Variants in KAZN observed in about 807,000 individuals in gnomAD.
KAZN encodes the protein kazrin, periplakin interacting protein.
KAZN carries 40 observed loss-of-function variants against 87.4 expected under a neutral mutation model. The observed-to-expected ratio is 0.46, with a 90% confidence interval of 0.36 to 0.60. KAZN has a LOEUF of 0.60. Among genes scored for constraint, KAZN ranks in the 20% least tolerant of loss-of-function variants. The probability of loss-of-function intolerance (pLI) is 0.00; values close to 1 mark genes in which losing one functional copy is unlikely to be tolerated. For synonymous variants in KAZN, 466 were observed against 458.3 expected (o/e 1.02, Z -0.22); for missense variants, 898 against 1,073.9 (o/e 0.84, Z 2.29).
intron 2 of KAZN, among the ~76,000 whole-genome samples, chr1:14,387,267 C>T (rs573314002): frequency 5.3e-5 from 8 of 152,154 alleles, no homozygotes; most frequent in East Asian, 1.9e-4. Flanking sequence ...AATGTCCTCC[C>T]GTAGGTCAGA....
chr1:14,854,359 G>C (rs1052534054), intron 1 of KAZN, among the ~76,000 whole-genome samples: 1 of 152,256 alleles, frequency 6.6e-6, no homozygotes. Context: ...TCTTGTTTTA[G>C]TTCATTTTGT....
At chr1:14,617,967 G>C (rs765393429) in intron 1 of KAZN, among the ~76,000 whole-genome samples, 1 of 152,156 alleles carries the variant, frequency 6.6e-6, no homozygotes, top group African/African-American at 2.4e-5. Context: ...TCTTATCTCC[G>C]ACAGCTCATG....
chr1:14,674,196 T>C (rs1640081936), intron 1 of KAZN, among the ~76,000 whole-genome samples: 1 of 152,252 alleles, frequency 6.6e-6, no homozygotes. Context: ...TTCTGGCTTC[T>C]CCAGCAGATC....
At chr1:14,095,463 T>C (rs1322207635) in intron 1 of KAZN, among the ~76,000 whole-genome samples, 1 of 152,216 alleles carries the variant, frequency 6.6e-6, no homozygotes, top group African/African-American at 2.4e-5. Context: ...ACCCATTTTA[T>C]TGTGCTCACA....
chr1:14,449,868 T>C (rs1308757030), intron 2 of KAZN, among the ~76,000 whole-genome samples: 2 of 152,132 alleles, frequency 1.3e-5, no homozygotes, highest in Non-Finnish European at 2.9e-5. Flanking sequence ...GAGAAATTTG[T>C]GAGTTTAATG....
At chr1:14,667,133 A>T (rs953856705) in intron 1 of KAZN, among the ~76,000 whole-genome samples, 5 of 152,212 alleles carry the variant, frequency 3.3e-5, no homozygotes, top group African/African-American at 7.2e-5. Flanking sequence ...CTGAGATTCC[A>T]GATGGATGTG....
At position 14,340,085 on chromosome 1, in the gene KAZN, T is replaced by C. The variant is rs182038858; in HGVS notation, c.249+159493T>C. On this transcript the variant is annotated intron_variant, in intron 2 of 16. Coordinates refer to the KAZN transcript ENST00000636203. ...GTTTCATATTCTTTGTTATGGAATA[T>C]GTAGCTTATAAAATCGGGGAACAGA... Among the ~76,000 whole-genome samples the C allele has an allele frequency of 2.2e-5, 3 of 134,224 alleles. No individual in the cohort carries two copies. The East Asian group carries it at 6.5e-4, about 29-fold the overall frequency. 88.1% of individuals were successfully genotyped at this position (134,224 alleles called of 152,430 possible). A position where few individuals can be genotyped will look rare whatever the true frequency, so the allele number is the denominator to read the frequency against.
intron 1 of KAZN, among the ~76,000 whole-genome samples, chr1:14,144,278 C>T (rs998965006): frequency 1.6e-4 from 25 of 152,276 alleles, no homozygotes; most frequent in East Asian, 9.7e-4. Context: ...TCCCTTGTTT[C>T]CAGGATAGCA....
Position 14,564,778 on chromosome 1 carries a change from A to G in KAZN, c.250-34205A>G, listed in dbSNP as rs553332364. Among the ~76,000 whole-genome samples, 4 of 152,300 alleles carry G rather than the reference A, an allele frequency of 2.6e-5. No individual in the cohort carries two copies. The South Asian group carries it at 8.3e-4, about 32-fold the overall frequency. On this transcript the variant is annotated intron_variant, in intron 2 of 16. Coordinates refer to the KAZN transcript ENST00000636203. ...CAGTGAGCCGAGATCATACCACTGC[A>G]CTCCAGCCTGGGCAATAGAGTGAGA...
chr1:14,796,178 G>A (rs956193664), intron 1 of KAZN, among the ~76,000 whole-genome samples: 7 of 152,116 alleles, frequency 4.6e-5, no homozygotes, highest in African/African-American at 1.7e-4. Flanking sequence ...CTCCCTCAGA[G>A]ATGTGTAATC....
chr1:15,078,859 TC>T (rs1162643077), intron 8 of KAZN, among the ~76,000 whole-genome samples: 1 of 151,914 alleles, frequency 6.6e-6, no homozygotes, highest in Non-Finnish European at 1.5e-5. Flanking sequence ...TTGCAAGAAT[TC>T]CCCCCACCAA....
Position 14,580,532 on chromosome 1 carries a change from G to A in KAZN, c.250-18451G>A, listed in dbSNP as rs146401560. Among the ~76,000 whole-genome samples the A allele has an allele frequency of 3.0e-4, 45 of 152,030 alleles. 1 individual carries two copies. The East Asian group carries it at 5.0e-3, about 17-fold the overall frequency. On this transcript the variant is annotated intron_variant, in intron 2 of 16. Transcript: ENST00000636203. ...TAAATAAATAAAGTATATTAATAGC[G>A]CAGCCATGTGTAATGACGAATGTGT...
intron 1 of KAZN, among the ~76,000 whole-genome samples, chr1:14,082,561 G>A (rs1643719654): frequency 6.6e-6 from 1 of 152,158 alleles, no homozygotes; most frequent in South Asian, 2.1e-4. Context: ...ATCTGATCAA[G>A]GAAGCCCTGC....
intron 1 of KAZN, among the ~76,000 whole-genome samples, chr1:14,161,601 A>G (rs2101826812): frequency 6.6e-6 from 1 of 152,308 alleles, no homozygotes. Flanking sequence ...CGTCAAATGG[A>G]CATTTCCACA....
intron 2 of KAZN, among the ~76,000 whole-genome samples, chr1:14,483,959 CT>C (rs1557751280): frequency 6.6e-6 from 1 of 152,152 alleles, no homozygotes; most frequent in African/African-American, 2.4e-5. Flanking sequence ...AGATAATGGT[CT>C]AATTTGATTC....
At chr1:14,131,598 G>A (rs899639071) in intron 1 of KAZN, among the ~76,000 whole-genome samples, 3 of 151,980 alleles carry the variant, frequency 2.0e-5, no homozygotes, top group South Asian at 2.1e-4. Flanking sequence ...GTGAGGCGGC[G>A]CTAATGGTTG....
chr1:14,584,626 G>A (rs1233912845), intron 2 of KAZN, among the ~76,000 whole-genome samples: 1 of 150,460 alleles, frequency 6.6e-6, no homozygotes, highest in Admixed American at 6.7e-5. Context: ...GTACCTCAGT[G>A]TGCAATTGCA....
chr1:14,064,975 C>T (rs1362599231), intron 1 of KAZN, among the ~76,000 whole-genome samples: 7 of 152,192 alleles, frequency 4.6e-5, no homozygotes, highest in Non-Finnish European at 1.0e-4. Context: ...AACATGTGTC[C>T]TTTAGCCTCC....
intron 1 of KAZN, among the ~76,000 whole-genome samples, chr1:13,936,120 G>GTTTT (rs1640732394): frequency 8.7e-5 from 1 of 11,480 alleles, no homozygotes; most frequent in African/African-American, 2.4e-4. Flanking sequence ...TTGAGACAGA[G>GTTTT]TTTCAAGCTC....
Sources: allele counts gnomAD v4.1 joint callset (sites outside exome capture counted in the v4.1 genomes callset), GRCh38; gene constraint gnomAD v4.1.1; transcripts MANE v1.5; gene names NCBI Gene and HGNC (gene_info 2026-07-23, HGNC 2026-07-21).